The following SEMA3D variants were observed in gnomAD, a reference collection of about 807,000 sequenced individuals.
The protein encoded by SEMA3D is semaphorin-3D.
In SEMA3D, 84 loss-of-function variants were observed where a neutral mutation model predicts 100.1. The ratio of observed to expected loss-of-function variants is 0.84; its 90% CI spans 0.70 to 1.01. The LOEUF is 1.01. Among genes scored for constraint, SEMA3D ranks in the 50% least tolerant of loss-of-function variants. SEMA3D has a pLI of 0.00. For synonymous variants in SEMA3D, 312 were observed against 320.7 expected, an observed-to-expected ratio of 0.97 and a Z score of 0.29; for missense variants, 875 against 934.1, an observed-to-expected ratio of 0.94 and a Z score of 0.82.
chr7:85,013,094 T>C (rs1790002685), intron 16 of SEMA3D, among the ~76,000 whole-genome samples: 1 of 151,782 alleles, frequency 6.6e-6, no homozygotes, highest in Non-Finnish European at 1.5e-5. Flanking sequence ...CGCTTCTTTT[T>C]CTCTATTTTT....
chr7:85,053,731 T>TGACCA (rs1791231785), intron 9 of SEMA3D, among the ~76,000 whole-genome samples: 9 of 152,054 alleles, frequency 5.9e-5, no homozygotes, highest in Non-Finnish European at 1.2e-4. Context: ...GGATCATATG[T>TGACCA]ATAGTGAGAA....
intron 4 of SEMA3D, among the ~76,000 whole-genome samples, chr7:85,091,395 T>C (rs1215970790): frequency 6.6e-6 from 1 of 151,916 alleles, no homozygotes; most frequent in African/African-American, 2.4e-5. Context: ...TAAGTAACAT[T>C]TTCATATGGA....
intron 9 of SEMA3D, among the ~76,000 whole-genome samples, chr7:85,054,647 T>C (rs746256072): frequency 1.3e-5 from 2 of 152,112 alleles, no homozygotes; most frequent in Non-Finnish European, 2.9e-5. Context: ...GCAATGATGG[T>C]TTGTATTTCT....
chr7:84,999,609 C>T lies in SEMA3D; in HGVS notation c.2165G>A (p.Ser722Asn). ...RYKDYIQILSSPNFSLDQYCE... is the reference protein window; with the variant it reads ...RYKDYIQILSNPNFSLDQYCE... ...GTACTGGTCGAGGCTGAAGTTTGGG[C>T]TGCTAAGGATTTGGATGTAGTCTTT... The change falls in exon 19 of 19, where the codon AGC becomes AAC. Residue 722 changes from serine to asparagine, a missense_variant. Physicochemically the swap from Ser to Asn is conservative, Grantham distance 46. Coordinates refer to ENST00000284136, the MANE Select transcript of SEMA3D (RefSeq NM_001384900.1). 1 of 1,614,122 alleles carries T rather than the reference C, an allele frequency of 6.2e-7. No homozygotes were observed.
intron 2 of SEMA3D, chr7:85,140,489 T>G (rs932944779): frequency 1.5e-4 from 145 of 983,470 alleles, no homozygotes; most frequent in Non-Finnish European, 1.7e-4. Context: ...ATCACTTACA[T>G]TAAAAAGAAA....
At chr7:85,244,570 C>T in the SEMA3D span, among the ~76,000 whole-genome samples, 61,262 of 151,892 alleles carry the variant, frequency 0.4, 13,035 homozygotes, top group Middle Eastern at 0.48. Context: ...CTCTAGGTTG[C>T]GATAGTCCAG....
At chr7:85,236,588 G>T in the SEMA3D span, among the ~76,000 whole-genome samples, 2 of 150,632 alleles carry the variant, frequency 1.3e-5, no homozygotes, top group East Asian at 3.9e-4. Flanking sequence ...TTACAGGCAT[G>T]AGCCACCGCA....
chr7:85,188,699 A>G (rs939188604), upstream of SEMA3D, among the ~76,000 whole-genome samples: 3 of 152,186 alleles, frequency 2.0e-5, no homozygotes, highest in African/African-American at 7.2e-5. Flanking sequence ...GTGTTTAACT[A>G]GAATTGTGGT....
chr7:85,142,587 T>C (rs1790086021), intron 2 of SEMA3D: 1 of 984,652 alleles, frequency 1.0e-6, no homozygotes, highest in Non-Finnish European at 1.2e-6. Context: ...AGACAAGTTT[T>C]AGGAAGAAGA....
At chr7:85,158,260 A>G (rs1790652103) in intron 1 of SEMA3D, among the ~76,000 whole-genome samples, 1 of 152,196 alleles carries the variant, frequency 6.6e-6, no homozygotes, top group East Asian at 1.9e-4. Flanking sequence ...TCTTCTTTCA[A>G]AAGCAAATAG....
intron 2 of SEMA3D, among the ~76,000 whole-genome samples, chr7:85,133,173 A>G (rs544858709): frequency 2.0e-5 from 3 of 151,996 alleles, no homozygotes; most frequent in African/African-American, 7.2e-5. Context: ...CATGTGTTGA[A>G]TATTTGTGCT....
intron 1 of SEMA3D, among the ~76,000 whole-genome samples, chr7:85,168,891 A>C (rs1472382631): frequency 6.6e-6 from 1 of 150,522 alleles, no homozygotes; most frequent in Non-Finnish European, 1.5e-5. Context: ...AGAAAGAAAG[A>C]AAAAGAGAAA....
chr7:85,029,174 G>T (rs1790475578), intron 12 of SEMA3D: 1 of 662,336 alleles, frequency 1.5e-6, no homozygotes, highest in African/African-American at 1.8e-5. Context: ...GCAAGTTTGA[G>T]CTCACAGGCG....
Position 85,006,932 on chromosome 7 carries a change from T to A in SEMA3D, c.1778A>T (p.His593Leu), listed in dbSNP as rs1789813831. 1 of 1,609,824 alleles carries A rather than the reference T, an allele frequency of 6.2e-7. No homozygotes were observed. Among genetic ancestry groups the A allele is most frequent in the Non-Finnish European group, 8.5e-7 (1 of 1,177,470 alleles). ...AATCACCTTTTCATCAGCAGTTTCA[T>A]GACTAATGCCTGGAAAGCAAACATG... is the stretch of plus-strand genomic sequence containing the variant. ...QCWDIEDSIS[H>L]ETADEKVIFG... is the part of the protein sequence containing the mutation. Residue 593 changes from histidine to leucine, a missense_variant, in exon 18 of 19, where the codon CAT becomes CTT. Coordinates refer to ENST00000284136, the MANE Select transcript of SEMA3D (RefSeq NM_001384900.1).
At chr7:85,094,364 T>C (rs1043717298) in intron 4 of SEMA3D, among the ~76,000 whole-genome samples, 2 of 152,000 alleles carry the variant, frequency 1.3e-5, no homozygotes, top group African/African-American at 4.8e-5. Context: ...GGTGAACAGA[T>C]TAGATAGGAG....
chr7:85,238,131 T>C, the SEMA3D span, among the ~76,000 whole-genome samples: 3 of 152,232 alleles, frequency 2.0e-5, no homozygotes, highest in Non-Finnish European at 4.4e-5. Context: ...TATTGTTGAA[T>C]TTTAAGAGTT....
intron 1 of SEMA3D, among the ~76,000 whole-genome samples, chr7:85,166,860 G>C (rs1441541062): frequency 6.6e-6 from 1 of 151,954 alleles, no homozygotes; most frequent in Non-Finnish European, 1.5e-5. Flanking sequence ...TATCTGAAGG[G>C]CTGGAAGAAC....
intron 1 of SEMA3D, among the ~76,000 whole-genome samples, chr7:85,158,470 G>T (rs1790657807): frequency 2.0e-5 from 3 of 152,116 alleles, no homozygotes; most frequent in South Asian, 4.1e-4. Flanking sequence ...ATAAATTTTG[G>T]TCAGACCGAT....
chr7:85,219,318 T>A, the SEMA3D span, among the ~76,000 whole-genome samples: 2 of 152,214 alleles, frequency 1.3e-5, no homozygotes, highest in East Asian at 3.9e-4. Context: ...CAGAATTGGT[T>A]ATGTTGGCTT....
Sources: gnomAD v4.1 joint callset for allele counts (sites outside exome capture counted in the v4.1 genomes callset) on GRCh38, gnomAD v4.1.1 for gene constraint, MANE v1.5 for transcripts, NCBI Gene and HGNC (gene_info 2026-07-23, HGNC 2026-07-21) for gene names.